The following USF2 variants were observed in gnomAD, a reference collection of about 807,000 sequenced individuals.
The protein encoded by USF2 is upstream stimulatory factor 2.
USF2 carries 16 observed loss-of-function variants against 46.9 expected under a neutral mutation model. The ratio of observed to expected loss-of-function variants is 0.34; its 90% CI spans 0.23 to 0.52. The LOEUF is 0.52. Ranked by LOEUF, USF2 falls within the 20% of genes least tolerant of loss-of-function variation. The pLI is 0.96. For missense variants in USF2, 411 were observed against 474.0 expected (o/e 0.87, Z 1.23); for synonymous variants, 239 against 194.1 (o/e 1.23, Z -1.92).
Position 35,279,343 on chromosome 19 carries a change from C to T in USF2, c.*87C>T, listed in dbSNP as rs922902792. On this transcript the variant is annotated 3_prime_UTR_variant, in exon 10 of 10. Coordinates refer to ENST00000222305, the MANE Select transcript of USF2 (RefSeq NM_003367.4). Reference sequence around the variant, plus strand: ...CCCTTAGCACAGAGAGGGACACATGCCCCTCCCCCAGCTGCGTTTTTTTAT... The same window carrying T: ...CCCTTAGCACAGAGAGGGACACATGTCCCTCCCCCAGCTGCGTTTTTTTAT... 3.1e-6 allele frequency: 4 copies of T among 1,289,736 alleles called. No individual in the cohort carries two copies. Among genetic ancestry groups the T allele is most frequent in the Non-Finnish European group, 3.0e-6 (3 of 987,550 alleles). 79.9% of individuals were successfully genotyped at this position (1,289,736 alleles called of 1,614,324 possible).
chr19:35,269,973 GC>G lies in USF2; in HGVS notation c.404del (p.Pro135GlnfsTer11), dbSNP rs1397245681. ...QRPGPAAASV[P>X]PGPAAPFPLA... ...GCCCGGGCCCCGCCGCTGCCTCTGT[GC>G]CCCCAGGTCCTGCAGCGCCCTTCCC... On this transcript the variant is annotated frameshift_variant, in exon 4 of 10. Transcript: ENST00000222305. LOFTEE classifies it high-confidence loss of function. The G allele has an allele frequency of 7.4e-7, 1 of 1,343,758 alleles. No homozygotes were observed. The highest frequency in any genetic ancestry group is 9.5e-7 in the Non-Finnish European group (1 of 1,054,932). The allele number at this position is 1,343,758 out of a possible 1,614,324, so 83.2% of individuals were successfully genotyped here. A position where few individuals can be genotyped will look rare whatever the true frequency, so the allele number is the denominator to read the frequency against.
rs772811742 is a variant in USF2 at position 35,270,394 on chromosome 19, G to A, written c.430-53G>A. The A allele has an allele frequency of 8.9e-6, 14 of 1,580,250 alleles. No individual in the cohort carries two copies. The African/African-American group carries it at 1.5e-4, about 17-fold the overall frequency. On this transcript the variant is annotated intron_variant, in intron 4 of 9. Transcript: ENST00000222305. The stretch of plus-strand genomic sequence containing the variant: ...ACCCCAAGCACAGCAATGAGGGGAC[G>A]GGATGGAGGAACAGAGAAAGCTAAG...
chr19:35,270,985 A>G (rs2066146013), intron 6 of USF2, 98 bp from the exon 7 acceptor site: 1 of 1,530,346 alleles, frequency 6.5e-7, no homozygotes, highest in Non-Finnish European at 9.0e-7. Context: ...AGATGGATTT[A>G]CCTTGCAAAG....
At chr19:35,273,079 A>C (rs553654641) in intron 7 of USF2, among the ~76,000 whole-genome samples, 1 of 151,218 alleles carries the variant, frequency 6.6e-6, no homozygotes, top group South Asian at 2.1e-4. Context: ...CCTCTCCCTT[A>C]GTTAATCTGA....
Position 35,269,498 on chromosome 19 carries a change from T to C in USF2, c.109+6T>C. 2 of 1,549,042 alleles carry C rather than the reference T, an allele frequency of 1.3e-6. No individual in the cohort carries two copies. Among genetic ancestry groups the C allele is most frequent in the Non-Finnish European group, 1.7e-6 (2 of 1,153,934 alleles). Reference sequence around the variant, plus strand: ...GGGCGTCGAGCTGCAGGAAGGTGAGTGCTTGCCGGGCCGGCCGCGCCCGGG... The same window carrying C: ...GGGCGTCGAGCTGCAGGAAGGTGAGCGCTTGCCGGGCCGGCCGCGCCCGGG... On this transcript the variant is annotated splice_donor_region_variant and intron_variant, in intron 2 of 9. Transcript: ENST00000222305.
At chr19:35,276,251 T>C (rs1249949163) in intron 7 of USF2, among the ~76,000 whole-genome samples, 1 of 152,120 alleles carries the variant, frequency 6.6e-6, no homozygotes, top group Non-Finnish European at 1.5e-5. Context: ...TTTGCATTTT[T>C]AGTAGAGCCG....
At chr19:35,269,534 G>A in intron 2 of USF2, 42 bp downstream of exon 2, 1 of 1,551,252 alleles carries the variant, frequency 6.4e-7, no homozygotes, top group Non-Finnish European at 8.7e-7. Flanking sequence ...GAGGGCTGGG[G>A]GCGCTCGGCG....
Position 35,270,375 on chromosome 19 carries a change from A to G in USF2, c.430-72A>G, listed in dbSNP as rs780165711. On this transcript the variant is annotated intron_variant, in intron 4 of 9. Coordinates refer to ENST00000222305, the MANE Select transcript of USF2 (RefSeq NM_003367.4). ...ATTGCAGAGAATGCAGTAAACCCCA[A>G]GCACAGCAATGAGGGGACGGGATGG... 7 of 1,558,564 alleles carry G rather than the reference A, an allele frequency of 4.5e-6. No homozygotes were observed. In the African/African-American group the frequency reaches 9.5e-5, roughly 21 times the overall value.
At chr19:35,272,151 G>A (rs1280797171) in intron 7 of USF2, among the ~76,000 whole-genome samples, 2 of 152,174 alleles carry the variant, frequency 1.3e-5, no homozygotes, top group African/African-American at 4.8e-5. Flanking sequence ...TTCAGCGCGT[G>A]CATACTACGA....
chr19:35,274,062 A>C (rs35497966), intron 7 of USF2, among the ~76,000 whole-genome samples: 30,669 of 152,158 alleles, frequency 0.2, 3,236 homozygotes, highest in Middle Eastern at 0.22. Context: ...GGCTCCTGGT[A>C]ATGCAAGGAA....
Position 35,271,215 on chromosome 19 carries a change from T to C in USF2, c.727+74T>C. 5 of 1,578,196 alleles carry C rather than the reference T, an allele frequency of 3.2e-6. No homozygotes were observed. In the South Asian group the frequency reaches 3.4e-5, roughly 11 times the overall value. ...GCTCAGCCAGCCCTGGAGTGTGGAGTGACAGAGAGAGAAGCCACTCCTGGG... is the reference window on the plus strand; with the variant it reads ...GCTCAGCCAGCCCTGGAGTGTGGAGCGACAGAGAGAGAAGCCACTCCTGGG... On this transcript the variant is annotated intron_variant, in intron 7 of 9. Coordinates refer to ENST00000222305, the MANE Select transcript of USF2 (RefSeq NM_003367.4).
chr19:35,278,629 G>A (rs2066266855), intron 7 of USF2, 69 bp from the exon 8 acceptor site: 2 of 1,524,418 alleles, frequency 1.3e-6, no homozygotes, highest in Non-Finnish European at 1.8e-6. Context: ...CTGAGCCTCT[G>A]CCCTGTGAGG....
rs2066106021 is a variant in USF2, at chr19:35,269,380, T to TGGGCGCGGGGGCGG, written c.63-56_63-43dup. 7 of 1,279,456 alleles carry TGGGCGCGGGGGCGG rather than the reference T, an allele frequency of 5.5e-6. 1 individual carries two copies. In the Admixed American group the frequency reaches 2.1e-4, roughly 39 times the overall value. The allele number at this position is 1,279,456 out of a possible 1,614,324, so 79.3% of individuals were successfully genotyped here. A position where few individuals can be genotyped will look rare whatever the true frequency, so the allele number is the denominator to read the frequency against. Reference sequence around the variant, plus strand: ...CCGGGTGGGACTGGGGCCCTGCAGCTGGGCGCGGGGGCGGGGGCGCGGGCG... The same window carrying TGGGCGCGGGGGCGG: ...CCGGGTGGGACTGGGGCCCTGCAGCTGGGCGCGGGGGCGGGGGCGCGGGGGCGGGGGCGCGGGCG... On this transcript the variant is annotated intron_variant, in intron 1 of 9. Coordinates refer to ENST00000222305, the MANE Select transcript of USF2 (RefSeq NM_003367.4).
At chr19:35,273,101 C>G (rs1239811152) in intron 7 of USF2, among the ~76,000 whole-genome samples, 1 of 152,114 alleles carries the variant, frequency 6.6e-6, no homozygotes, top group South Asian at 2.1e-4. Flanking sequence ...TCCAGGCAGC[C>G]TTGAAACTTT....
chr19:35,274,091 C>A (rs766176887), intron 7 of USF2, among the ~76,000 whole-genome samples: 1 of 152,216 alleles, frequency 6.6e-6, no homozygotes, highest in Non-Finnish European at 1.5e-5. Context: ...CCATCCATTC[C>A]CTTCCTTTCA....
intron 7 of USF2, chr19:35,277,886 G>A (rs990244487): frequency 2.0e-5 from 3 of 152,276 alleles, no homozygotes; most frequent in African/African-American, 7.2e-5. Context: ...GTGTCAGGAT[G>A]GGATGTGGCC....
At chr19:35,273,948 C>T (rs1345618207) in intron 7 of USF2, among the ~76,000 whole-genome samples, 2 of 152,194 alleles carry the variant, frequency 1.3e-5, no homozygotes, top group South Asian at 2.1e-4. Context: ...AACTCTGTTC[C>T]CCCTTGTAGG....
At chr19:35,275,273 C>G (rs2066217224) in intron 7 of USF2, 1 of 152,166 alleles carries the variant, frequency 6.6e-6, no homozygotes, top group African/African-American at 2.4e-5. Context: ...TCTCGAACTC[C>G]TGGCCTCAGG....
chr19:35,273,048 C>T, intron 7 of USF2, among the ~76,000 whole-genome samples: 1 of 151,760 alleles, frequency 6.6e-6, no homozygotes, highest in East Asian at 1.9e-4. Flanking sequence ...TCAGAACCCT[C>T]CCACCCCACT....
Sources: allele counts gnomAD v4.1 joint callset (sites outside exome capture counted in the v4.1 genomes callset), GRCh38; gene constraint gnomAD v4.1.1; transcripts MANE v1.5; gene names NCBI Gene and HGNC (gene_info 2026-07-23, HGNC 2026-07-21).